The following PCDHA9 variants were observed in gnomAD, a reference collection of about 807,000 sequenced individuals.
PCDHA9 encodes the protein protocadherin alpha-9.
PCDHA9 carries 62 observed loss-of-function variants against 62.0 expected under a neutral mutation model. That is an observed-to-expected ratio of 1.00 (90% CI 0.81 to 1.23). The LOEUF (loss-of-function observed/expected upper bound fraction) is 1.23. Among genes scored for constraint, PCDHA9 ranks in the 50% most tolerant of loss-of-function variants. The pLI, the probability that PCDHA9 is intolerant of heterozygous loss-of-function variation, is 0.00. For missense variants in PCDHA9, 1,205 were observed against 1,249.8 expected, an observed-to-expected ratio of 0.96 and a Z score of 0.54; for synonymous variants, 557 against 567.6, an observed-to-expected ratio of 0.98 and a Z score of 0.27.
intron 1 of PCDHA9, among the ~76,000 whole-genome samples, chr5:140,890,373 T>A (rs868994302): frequency 2.4e-4 from 37 of 152,196 alleles, no homozygotes; most frequent in African/African-American, 7.5e-4. Context: ...CCTGAACAAG[T>A]ACTCTTTCTT....
intron 1 of PCDHA9, chr5:140,866,593 A>T (rs527619239): frequency 4.0e-4 from 61 of 152,276 alleles, no homozygotes; most frequent in African/African-American, 1.4e-3. Context: ...ATGTAATTCT[A>T]ATCTGTTGGT....
intron 3 of PCDHA9, among the ~76,000 whole-genome samples, chr5:141,003,148 GA>G (rs1554258931): frequency 1.3e-5 from 2 of 152,188 alleles, no homozygotes; most frequent in African/African-American, 4.8e-5. Flanking sequence ...CAAAGACTCT[GA>G]CCTGATCAAT....
intron 1 of PCDHA9, chr5:140,927,930 G>A (rs782236455): frequency 1.9e-5 from 30 of 1,614,062 alleles, no homozygotes; most frequent in Admixed American, 5.0e-5. Flanking sequence ...TGACTCTTTC[G>A]AACCCAGTAC....
At chr5:140,922,802 GA>G (rs1475670811) in intron 1 of PCDHA9, among the ~76,000 whole-genome samples, 1 of 152,162 alleles carries the variant, frequency 6.6e-6, no homozygotes, top group African/African-American at 2.4e-5. Flanking sequence ...TTGGAATACA[GA>G]AAAAGGAGAT....
At chr5:140,871,450 G>C (rs781785142) in intron 1 of PCDHA9, 1 of 1,608,836 alleles carries the variant, frequency 6.2e-7, no homozygotes, top group Non-Finnish European at 8.5e-7. Flanking sequence ...GAATAAAGAG[G>C]AGGAAGGGGA....
chr5:141,009,627 A>G lies in PCDHA9; in HGVS notation c.2543A>G (p.Glu848Gly), dbSNP rs782179145. 6.2e-7 allele frequency: 1 copy of G among 1,612,842 alleles called. No individual in the cohort carries two copies. The highest frequency in any genetic ancestry group is 1.1e-5 in the South Asian group (1 of 90,980). The change falls in exon 4 of 4, where the codon GAA becomes GGA. Residue 848 changes from glutamate (E) to glycine (G), a missense_variant and splice_region_variant. By Grantham distance (98) the Glu-to-Gly change is moderately conservative (BLOSUM62 -2). Coordinates refer to ENST00000532602, the MANE Select transcript of PCDHA9 (RefSeq NM_031857.2). Reference protein sequence around the residue: ...QWPTVSSATPEPEAGEVSPPV... With the variant: ...QWPTVSSATPGPEAGEVSPPV... ...TGATTTGTAATGTTTTGTCTTTCAGAACCAGAGGCAGGAGAAGTGTCCCCT... is the reference window on the plus strand; with the variant it reads ...TGATTTGTAATGTTTTGTCTTTCAGGACCAGAGGCAGGAGAAGTGTCCCCT...
rs868991744 is a variant in PCDHA9, at chr5:140,897,794, G to C, written c.2394+46905G>C. ...CTTCCACAATGGTTGAACTAGTTTA[G>C]AGTCCCACCAACAGTGTAAAAGTGT... On this transcript the variant is annotated intron_variant, in intron 1 of 3. Coordinates refer to ENST00000532602, the MANE Select transcript of PCDHA9 (RefSeq NM_031857.2). 7.2e-4 allele frequency among the ~76,000 whole-genome samples: 109 copies of C among 152,066 alleles called. No homozygotes were observed. The South Asian group carries it at 0.011, about 15-fold the overall frequency.
Position 140,852,234 on chromosome 5 carries a change from C to T in PCDHA9, c.2394+1345C>T, listed in dbSNP as rs2150513960. On this transcript the variant is annotated intron_variant, in intron 1 of 3. Coordinates refer to ENST00000532602, the MANE Select transcript of PCDHA9 (RefSeq NM_031857.2). The stretch of plus-strand genomic sequence containing the variant: ...AAAATATTTTAATTTTTAAATTTTC[C>T]CTTAAAACACACTTTTGGAATATGC... 9.0e-5 allele frequency: 51 copies of T among 567,386 alleles called. 1 individual carries two copies. In the East Asian group the frequency reaches 2.4e-3, roughly 26 times the overall value. 35.1% of individuals were successfully genotyped at this position (567,386 alleles called of 1,614,324 possible).
At chr5:140,967,171 G>A (rs181864889) in intron 1 of PCDHA9, 2 of 1,611,944 alleles carry the variant, frequency 1.2e-6, no homozygotes, top group Non-Finnish European at 8.5e-7. Flanking sequence ...GCGCCGTTGA[G>A]GTGGAAATAT....
intron 1 of PCDHA9, chr5:140,928,607 G>T: frequency 1.2e-6 from 2 of 1,614,188 alleles, no homozygotes; most frequent in Non-Finnish European, 1.7e-6. Context: ...ATTGTGCCCC[G>T]CTCTGCCAGG....
Position 140,850,862 on chromosome 5 carries a change from C to G in PCDHA9, c.2367C>G (p.Pro789=), listed in dbSNP as rs2150500833. 5.6e-6 allele frequency: 9 copies of G among 1,592,960 alleles called. 1 individual carries two copies. In the South Asian group the frequency reaches 1.0e-4, roughly 18 times the overall value. Reference sequence around the variant, plus strand: ...GATCTACAGAGCGAACGGGAGAACCCTCTGCTTCCTCAGATTCAACTGGGA... The same window carrying G: ...GATCTACAGAGCGAACGGGAGAACCGTCTGCTTCCTCAGATTCAACTGGGA... ...CAGSTERTGE[P]SASSDSTGKP... The change falls in exon 1 of 4, where the codon CCC becomes CCG. Residue 789 remains proline (P), a synonymous_variant. Transcript: ENST00000532602.
intron 1 of PCDHA9, chr5:140,882,343 G>A: frequency 6.2e-7 from 1 of 1,614,198 alleles, no homozygotes; most frequent in Non-Finnish European, 8.5e-7. Context: ...CAGCCTGGGA[G>A]ACGGGTAGTG....
intron 3 of PCDHA9, among the ~76,000 whole-genome samples, chr5:140,991,686 A>G (rs2097465682): frequency 6.6e-6 from 1 of 152,196 alleles, no homozygotes; most frequent in Non-Finnish European, 1.5e-5. Context: ...AGTCCTCTCT[A>G]GTAGAGCCAT....
chr5:140,961,736 T>C (rs1554225571), intron 1 of PCDHA9, among the ~76,000 whole-genome samples: 1 of 152,178 alleles, frequency 6.6e-6, no homozygotes. Context: ...ACAATCACTT[T>C]AGTAATATTA....
At chr5:140,973,800 C>A (rs1554235613) in intron 1 of PCDHA9, among the ~76,000 whole-genome samples, 1 of 152,236 alleles carries the variant, frequency 6.6e-6, no homozygotes, top group Non-Finnish European at 1.5e-5. Context: ...ATGCTGTCTA[C>A]TTGACAGAAT....
In PCDHA9 at chr5:140,850,866, G is replaced by T; in HGVS notation, c.2371G>T (p.Ala791Ser). The part of the protein sequence containing the change: ...GSTERTGEPS[A>S]SSDSTGKPRQ... ...TACAGAGCGAACGGGAGAACCCTCTGCTTCCTCAGATTCAACTGGGAAGGT... is the reference window on the plus strand; with the variant it reads ...TACAGAGCGAACGGGAGAACCCTCTTCTTCCTCAGATTCAACTGGGAAGGT... The change falls in exon 1 of 4, where the codon GCT becomes TCT. Residue 791 changes from alanine (A) to serine (S), a missense_variant. By Grantham distance (99) the Ala-to-Ser change is moderately conservative. Around this residue, in one of 3 missense-constraint regions of PCDHA9, gnomAD observed 887 missense variants for 809.5 expected, o/e 1.10. Transcript: ENST00000532602. The T allele has an allele frequency of 6.3e-7, 1 of 1,592,796 alleles. No individual in the cohort carries two copies. Among genetic ancestry groups the T allele is most frequent in the Non-Finnish European group, 8.6e-7 (1 of 1,163,952 alleles).
intron 1 of PCDHA9, chr5:140,884,276 G>C: frequency 6.8e-6 from 11 of 1,613,638 alleles, no homozygotes; most frequent in Non-Finnish European, 9.3e-6. Context: ...GTTGTCGCTG[G>C]TGGAGAGCGG....
chr5:140,967,725 T>C lies in PCDHA9; in HGVS notation c.2395-11224T>C, dbSNP rs782758957. 16 of 1,613,798 alleles carry C rather than the reference T, an allele frequency of 9.9e-6. No individual in the cohort carries two copies. The East Asian group carries it at 2.0e-4, about 20-fold the overall frequency. On this transcript the variant is annotated intron_variant, in intron 1 of 3. Transcript: ENST00000532602. ...GCCAGTACCGGGGAAGTGCGAGTAA[T>C]TGGGGGGCTGGATTATGAGGAAGCC...
chr5:140,972,218 C>A (rs367920234), intron 1 of PCDHA9, among the ~76,000 whole-genome samples: 129 of 152,040 alleles, frequency 8.5e-4, no homozygotes, highest in Middle Eastern at 3.4e-3. Flanking sequence ...TGGCTCACTG[C>A]AGCCTCGACC....
Sources: allele counts gnomAD v4.1 joint callset (sites outside exome capture counted in the v4.1 genomes callset), GRCh38; gene constraint gnomAD v4.1.1; regional missense constraint gnomAD v4.1.1; transcripts MANE v1.5; gene names NCBI Gene and HGNC (gene_info 2026-07-23, HGNC 2026-07-21).